Variants in PLEKHG1 observed in about 807,000 individuals in gnomAD.
PLEKHG1 encodes the protein pleckstrin homology and RhoGEF domain containing G1.
A neutral mutation model predicts 100.8 loss-of-function variants in PLEKHG1; 44 were observed. The observed-to-expected ratio is 0.44, with a 90% CI of 0.34 to 0.56. PLEKHG1 has a LOEUF of 0.56. Among genes scored for constraint, PLEKHG1 ranks in the 20% least tolerant of loss-of-function variants. The probability of loss-of-function intolerance (pLI) is 0.01; values close to 1 mark genes in which losing one functional copy is unlikely to be tolerated. For missense variants in PLEKHG1, 1,545 were observed against 1,720.9 expected (o/e 0.90, Z 1.81); for synonymous variants, 640 against 662.5 (o/e 0.97, Z 0.52).
exon 2 of PLEKHG1, chr6:150,733,885 G>A: frequency 1.2e-5 from 20 of 1,614,216 alleles, no homozygotes; most frequent in Non-Finnish European, 1.7e-5. Flanking sequence ...GCGAGCTGCA[G>A]AGGGACAACC....
chr6:150,812,601 T>C (rs1257354338), intron 10 of PLEKHG1, among the ~76,000 whole-genome samples: 3 of 152,128 alleles, frequency 2.0e-5, no homozygotes, highest in Non-Finnish European at 4.4e-5. Flanking sequence ...ACGGAATGGG[T>C]ATAGACTTTT....
chr6:150,634,332 T>G (rs959455658), intron 1 of PLEKHG1, among the ~76,000 whole-genome samples: 1 of 148,620 alleles, frequency 6.7e-6, no homozygotes, highest in African/African-American at 2.5e-5. Context: ...GAAAATAATA[T>G]GAGAATGTAG....
rs1562554274 is a variant in PLEKHG1 at position 150,823,645 on chromosome 6, A to AT, written c.1448-4dup. The AT allele has an allele frequency of 6.2e-7, 1 of 1,600,718 alleles. No individual in the cohort carries two copies. On this transcript the variant is annotated splice_polypyrimidine_tract_variant and intron_variant, in intron 13 of 15. Coordinates refer to ENST00000358517, the Ensembl canonical transcript of PLEKHG1. ...TTCTCAAACTTGAAAAAAAACTTTTATTTTTCAGAAACAGCACAAGACATC... is the reference window on the plus strand; with the variant it reads ...TTCTCAAACTTGAAAAAAAACTTTTATTTTTTCAGAAACAGCACAAGACATC...
intron 2 of PLEKHG1, among the ~76,000 whole-genome samples, chr6:150,748,834 C>T (rs957494315): frequency 3.9e-5 from 6 of 152,012 alleles, no homozygotes; most frequent in African/African-American, 1.4e-4. Flanking sequence ...CCATGTTGGC[C>T]AAGCTGGTCT....
chr6:150,827,277 CTTTTTTTTT>C (rs759695142), intron 14 of PLEKHG1, among the ~76,000 whole-genome samples: 1 of 130,388 alleles, frequency 7.7e-6, no homozygotes, highest in Non-Finnish European at 1.7e-5. Context: ...AAACTGCTTT[CTTTTTTTTT>C]TTTTTTTTGA....
chr6:150,795,742 T>C (rs199926954), intron 4 of PLEKHG1, 114 bp from the exon 6 acceptor site: 6 of 141,996 alleles, frequency 4.2e-5, no homozygotes, highest in East Asian at 1.7e-4. Flanking sequence ...ACAAAAAACA[T>C]ATATATATAT....
intron 2 of PLEKHG1, among the ~76,000 whole-genome samples, chr6:150,766,767 C>T (rs1187744848): frequency 1.3e-5 from 2 of 152,226 alleles, no homozygotes; most frequent in Non-Finnish European, 1.5e-5. Flanking sequence ...CTTAACTCAA[C>T]CTTTCTCTCA....
intron 2 of PLEKHG1, among the ~76,000 whole-genome samples, chr6:150,735,124 T>A (rs1782496245): frequency 6.6e-6 from 1 of 151,834 alleles, no homozygotes; most frequent in Non-Finnish European, 1.5e-5. Flanking sequence ...GTAGCTGGAA[T>A]TATAGGCATG....
At chr6:150,706,364 A>C (rs1005028079) in intron 3 of PLEKHG1, among the ~76,000 whole-genome samples, 1 of 151,942 alleles carries the variant, frequency 6.6e-6, no homozygotes, top group Admixed American at 6.6e-5. Flanking sequence ...CTGTAATCCC[A>C]GCAATTTGGG....
At chr6:150,842,308 A>G (rs1777560834) in exon 16 of PLEKHG1, 1 of 152,182 alleles carries the variant, frequency 6.6e-6, no homozygotes, top group African/African-American at 2.4e-5. Context: ...CCTCTCCCCC[A>G]TGCTGTTAGT....
At chr6:150,707,526 C>T (rs1313062474) in intron 3 of PLEKHG1, among the ~76,000 whole-genome samples, 6 of 152,108 alleles carry the variant, frequency 3.9e-5, no homozygotes, top group African/African-American at 7.2e-5. Context: ...GACTGTGGCA[C>T]ACTGGGAAGT....
intron 3 of PLEKHG1, among the ~76,000 whole-genome samples, chr6:150,671,227 G>A (rs965877627): frequency 7.9e-5 from 12 of 151,922 alleles, no homozygotes; most frequent in Non-Finnish European, 1.6e-4. Context: ...TTTGAATAAC[G>A]ACTTCTTTTC....
At chr6:150,827,832 G>C in intron 14 of PLEKHG1, 2 of 1,424,676 alleles carry the variant, frequency 1.4e-6, no homozygotes, top group Non-Finnish European at 2.0e-6. Flanking sequence ...GGAAGAGCTG[G>C]AGGATCACGA....
At chr6:150,793,623 A>G (rs1364190112) in intron 4 of PLEKHG1, among the ~76,000 whole-genome samples, 1 of 152,212 alleles carries the variant, frequency 6.6e-6, no homozygotes, top group Non-Finnish European at 1.5e-5. Context: ...CAGAAGAGAG[A>G]CAACCAGACT....
At chr6:150,741,618 C>A (rs1298137835) in intron 2 of PLEKHG1, among the ~76,000 whole-genome samples, 1 of 152,118 alleles carries the variant, frequency 6.6e-6, no homozygotes, top group Admixed American at 6.5e-5. Flanking sequence ...TAGTTTAATT[C>A]CTATTTTAGC....
intron 2 of PLEKHG1, among the ~76,000 whole-genome samples, chr6:150,748,615 CTT>C (rs746682669): frequency 0.094 from 11,094 of 117,718 alleles, 307 homozygotes; most frequent in African/African-American, 0.14. Flanking sequence ...TACCTTTGAC[CTT>C]TTTTTTTTTT....
At chr6:150,624,789 CA>C (rs1219301608) in intron 1 of PLEKHG1, 1 of 152,160 alleles carries the variant, frequency 6.6e-6, no homozygotes, top group Admixed American at 6.5e-5. Flanking sequence ...GAATTCACTT[CA>C]AAGGCACCTT....
intron 10 of PLEKHG1, among the ~76,000 whole-genome samples, chr6:150,813,613 G>A (rs932047943): frequency 2.4e-4 from 36 of 152,184 alleles, no homozygotes; most frequent in African/African-American, 8.7e-4. Context: ...TGGCGACAGA[G>A]GCGTGGGGTG....
At chr6:150,640,860 T>C (rs1433075164) in intron 2 of PLEKHG1, among the ~76,000 whole-genome samples, 1 of 152,142 alleles carries the variant, frequency 6.6e-6, no homozygotes, top group Non-Finnish European at 1.5e-5. Context: ...TCTCCTGTGG[T>C]CTAATATTGG....
Sources: allele counts gnomAD v4.1 joint callset (sites outside exome capture counted in the v4.1 genomes callset), GRCh38; gene constraint gnomAD v4.1.1; transcripts MANE v1.5; gene names NCBI Gene and HGNC (gene_info 2026-07-23, HGNC 2026-07-21).